ABHD12: variants seen among roughly 807,000 people sequenced by gnomAD.
ABHD12 encodes the protein lysophosphatidylserine lipase ABHD12.
ABHD12 carries 43 observed loss-of-function variants against 58.3 expected under a neutral mutation model. The observed-to-expected ratio is 0.74, with a 90% confidence interval of 0.58 to 0.95. The LOEUF is 0.95. Ranked by LOEUF, ABHD12 falls within the 40% of genes least tolerant of loss-of-function variation. The probability of loss-of-function intolerance (pLI) is 0.00; values close to 1 mark genes in which losing one functional copy is unlikely to be tolerated. For missense variants in ABHD12, 539 were observed against 537.2 expected (o/e 1.00, Z -0.03); for synonymous variants, 219 against 211.2 (o/e 1.04, Z -0.32).
intron 1 of ABHD12, among the ~76,000 whole-genome samples, chr20:25,376,010 C>A (rs2089958353): frequency 6.6e-6 from 1 of 151,964 alleles, no homozygotes; most frequent in African/African-American, 2.4e-5. Flanking sequence ...GTAGTCCCAG[C>A]CACTTGGGAG....
intron 2 of ABHD12, 62 bp from the exon 3 acceptor site, chr20:25,323,492 C>A: frequency 9.7e-7 from 1 of 1,030,866 alleles, no homozygotes; most frequent in Non-Finnish European, 1.5e-6. Context: ...CATGTACACA[C>A]AAACATGCAT....
intron 2 of ABHD12, among the ~76,000 whole-genome samples, chr20:25,329,636 C>A (rs981823788): frequency 5.2e-4 from 79 of 152,286 alleles, no homozygotes; most frequent in Middle Eastern, 3.4e-3. Flanking sequence ...GCGGGAAAGG[C>A]TGAAACTTAC....
At chr20:25,295,487 C>T (rs561568357), downstream of ABHD12, 32 of 1,219,980 alleles carry the variant, frequency 2.6e-5, no homozygotes, top group East Asian at 9.4e-5. Context: ...TGGGCCCCTT[C>T]GCTCCAGACA....
In ABHD12 at chr20:25,300,773, G is replaced by T; in HGVS notation, c.*72C>A. On this transcript the variant is annotated 3_prime_UTR_variant, in exon 13 of 13. Transcript: ENST00000339157. ...AGGTGCCGGCCCCCCGGGGCTTCAG[G>T]ATACCGGGCTGCTGACTGGAGGAAA... 1 of 1,612,588 alleles carries T rather than the reference G, an allele frequency of 6.2e-7. No individual in the cohort carries two copies. Among genetic ancestry groups the T allele is most frequent in the East Asian group, 2.2e-5 (1 of 44,848 alleles).
At chr20:25,340,093 T>G (rs2089435682) in intron 1 of ABHD12, among the ~76,000 whole-genome samples, 1 of 152,344 alleles carries the variant, frequency 6.6e-6, no homozygotes, top group East Asian at 1.9e-4. Context: ...AGTACAAAAT[T>G]GAGGACCCTA....
At chr20:25,387,122 C>T (rs2090101627) in intron 1 of ABHD12, among the ~76,000 whole-genome samples, 1 of 152,088 alleles carries the variant, frequency 6.6e-6, no homozygotes, top group Non-Finnish European at 1.5e-5. Context: ...AAACAAAAAG[C>T]TCCCCACAAC....
chr20:25,317,162 G>A, intron 4 of ABHD12, 84 bp from the exon 5 acceptor site: 2 of 897,000 alleles, frequency 2.2e-6, no homozygotes, highest in East Asian at 2.5e-5. Flanking sequence ...CCCCAAACCA[G>A]GGGGAGGCCA....
rs765132388 is a variant in ABHD12 at position 25,300,588 on chromosome 20, C to T, written c.*257G>A. ...TGCCTGCTGCCATTAAGTCTCCCAA[C>T]AAGATCTCAGGTTGAGGGGCGGCAA... On this transcript the variant is annotated 3_prime_UTR_variant, in exon 13 of 13. Coordinates refer to ENST00000339157, the MANE Select transcript of ABHD12 (RefSeq NM_001042472.3). 8 of 1,431,506 alleles carry T rather than the reference C, an allele frequency of 5.6e-6. No homozygotes were observed. The highest frequency in any genetic ancestry group is 7.3e-6 in the Non-Finnish European group (8 of 1,097,254). 88.7% of individuals were successfully genotyped at this position (1,431,506 alleles called of 1,614,324 possible).
At chr20:25,386,817 G>A (rs2090097496) in intron 1 of ABHD12, among the ~76,000 whole-genome samples, 1 of 152,010 alleles carries the variant, frequency 6.6e-6, no homozygotes, top group African/African-American at 2.4e-5. Context: ...GGAGGCAGAA[G>A]TTGCAGTGAC....
downstream of ABHD12, chr20:25,297,944 CT>C (rs1416781602): frequency 6.6e-6 from 1 of 152,312 alleles, no homozygotes; most frequent in Non-Finnish European, 1.5e-5. Context: ...CTGACCACCA[CT>C]GTGCCCCTCA....
intron 6 of ABHD12, among the ~76,000 whole-genome samples, chr20:25,312,191 C>T (rs1600776673): frequency 6.6e-6 from 1 of 151,432 alleles, no homozygotes; most frequent in South Asian, 2.1e-4. Flanking sequence ...CCACGGTCTC[C>T]CTCTCCCTCT....
At chr20:25,363,518 A>C (rs529479292) in intron 1 of ABHD12, among the ~76,000 whole-genome samples, 1 of 152,080 alleles carries the variant, frequency 6.6e-6, no homozygotes, top group South Asian at 2.1e-4. Flanking sequence ...CACCTGGCTG[A>C]CATTTACTTT....
At chr20:25,329,057 C>G (rs6138563) in intron 2 of ABHD12, among the ~76,000 whole-genome samples, 1 of 152,238 alleles carries the variant, frequency 6.6e-6, no homozygotes, top group African/African-American at 2.4e-5. Flanking sequence ...TGGCTCACTC[C>G]TGCAGGCCAG....
chr20:25,382,843 T>C (rs1001418803), intron 1 of ABHD12, among the ~76,000 whole-genome samples: 2 of 152,204 alleles, frequency 1.3e-5, no homozygotes, highest in African/African-American at 4.8e-5. Flanking sequence ...CAGAAGGCAG[T>C]GGCAAAGCAC....
chr20:25,375,698 T>TAAAC (rs1445199792), intron 1 of ABHD12, among the ~76,000 whole-genome samples: 1,693 of 152,378 alleles, frequency 0.011, 32 homozygotes, highest in African/African-American at 0.036. Context: ...TGTCCTTTGT[T>TAAAC]GCTTGGTGCC....
intron 11 of ABHD12, chr20:25,303,229 G>A (rs935249405): frequency 3.1e-5 from 38 of 1,221,774 alleles, no homozygotes; most frequent in Non-Finnish European, 3.4e-5. Flanking sequence ...GGTTGGCCTG[G>A]GCTCTGATAA....
intron 1 of ABHD12, among the ~76,000 whole-genome samples, chr20:25,374,739 A>G (rs1333125690): frequency 1.3e-5 from 2 of 152,094 alleles, no homozygotes; most frequent in East Asian, 3.9e-4. Flanking sequence ...ACCTCAGGTG[A>G]TCCTCCCGCC....
intron 2 of ABHD12, among the ~76,000 whole-genome samples, chr20:25,324,831 T>C (rs2089145577): frequency 6.6e-6 from 1 of 152,158 alleles, no homozygotes; most frequent in African/African-American, 2.4e-5. Flanking sequence ...CAGATACATC[T>C]TCAAAATTTT....
intron 1 of ABHD12, among the ~76,000 whole-genome samples, chr20:25,362,763 CT>C (rs2146090163): frequency 6.6e-6 from 1 of 151,778 alleles, no homozygotes; most frequent in East Asian, 2.0e-4. Flanking sequence ...CAACTTCCAA[CT>C]CCCGGGTTCA....
Sources: gnomAD v4.1 joint callset for allele counts (sites outside exome capture counted in the v4.1 genomes callset) on GRCh38, gnomAD v4.1.1 for gene constraint, MANE v1.5 for transcripts, NCBI Gene and HGNC (gene_info 2026-07-23, HGNC 2026-07-21) for gene names.